The following VPS13A variants were observed in gnomAD, a reference collection of about 807,000 sequenced individuals.
VPS13A encodes the protein vacuolar protein sorting 13 homolog A.
A neutral mutation model predicts 390.9 loss-of-function variants in VPS13A; 264 were observed. The ratio of observed to expected loss-of-function variants is 0.68; its 90% confidence interval spans 0.61 to 0.75. The LOEUF is 0.75. Ranked by LOEUF, VPS13A falls within the 30% of genes least tolerant of loss-of-function variation. VPS13A has a pLI of 0.00. For missense variants in VPS13A, 3,409 were observed against 3,733.9 expected, an observed-to-expected ratio of 0.91 and a Z score of 2.27; for synonymous variants, 1,231 against 1,227.1, an observed-to-expected ratio of 1.00 and a Z score of -0.07.
At chr9:77,239,473 AT>A (rs1228255769) in intron 19 of VPS13A, among the ~76,000 whole-genome samples, 1 of 151,898 alleles carries the variant, frequency 6.6e-6, no homozygotes, top group African/African-American at 2.4e-5. Flanking sequence ...TATAAACCAC[AT>A]CTTTAATGCT....
chr9:77,356,835 G>A lies in VPS13A; in HGVS notation c.7774G>A (p.Asp2592Asn), dbSNP rs1831811829. 7 of 1,613,776 alleles carry A rather than the reference G, an allele frequency of 4.3e-6. No individual in the cohort carries two copies. The highest frequency in any genetic ancestry group is 5.9e-6 in the Non-Finnish European group (7 of 1,179,948). ...ATATACTGAATCTTCTCCTTCAGAAGATAAGGTTATTCAGTTGGACACTAA... is the reference window on the plus strand; with the variant it reads ...ATATACTGAATCTTCTCCTTCAGAAAATAAGGTTATTCAGTTGGACACTAA... ...KEYTESSPSE[D>N]KVIQLDTNVP... Residue 2592 changes from aspartate to asparagine, a missense_variant, in exon 55 of 72, where the codon GAT (aspartate) becomes AAT (asparagine). Around this residue, in one of 5 missense-constraint regions of VPS13A, gnomAD observed 221 missense variants for 300.7 expected, o/e 0.73. Coordinates refer to ENST00000360280, the MANE Select transcript of VPS13A (RefSeq NM_033305.3).
At chr9:77,400,262 A>C (rs953205003) in intron 68 of VPS13A, among the ~76,000 whole-genome samples, 1 of 87,802 alleles carries the variant, frequency 1.1e-5, no homozygotes, top group African/African-American at 4.8e-5. Flanking sequence ...CTACCTTTTC[A>C]TATTCTTCAC....
chr9:77,211,818 C>A (rs991543740), intron 7 of VPS13A, among the ~76,000 whole-genome samples: 1 of 152,176 alleles, frequency 6.6e-6, no homozygotes, highest in Non-Finnish European at 1.5e-5. Context: ...TTGCAGCAAT[C>A]TGTGTTTTAC....
chr9:77,243,043 A>G (rs1365266480), intron 19 of VPS13A, among the ~76,000 whole-genome samples: 1 of 152,100 alleles, frequency 6.6e-6, no homozygotes, highest in East Asian at 1.9e-4. Flanking sequence ...CTAGAAAGTT[A>G]AAATTTACCT....
rs1399299834 is a variant in VPS13A, at chr9:77,177,759, G to A, written c.55G>A (p.Val19Met). ...DVLNRFLGDY[V>M]VDLDTSQLSL... ...GTTGAACCGGTTCTTGGGGGACTAT[G>A]TGGTGGACTTGGACACGTCCCAGCT... is the stretch of plus-strand genomic sequence containing the variant. The change falls in exon 1 of 72, where the codon GTG becomes ATG. Residue 19 changes from valine to methionine, a missense_variant. This residue lies in a region of VPS13A where 2,717 missense variants were observed against 2,917.4 expected (regional missense o/e 0.93). Coordinates refer to ENST00000360280, the MANE Select transcript of VPS13A (RefSeq NM_033305.3). 6.2e-7 allele frequency: 1 copy of A among 1,613,712 alleles called. No individual in the cohort carries two copies. The highest frequency in any genetic ancestry group is 1.1e-5 in the South Asian group (1 of 91,086).
intron 39 of VPS13A, among the ~76,000 whole-genome samples, chr9:77,316,706 T>C (rs1323118523): frequency 6.6e-6 from 1 of 152,082 alleles, no homozygotes; most frequent in Non-Finnish European, 1.5e-5. Context: ...TCCAAATTGC[T>C]CTTTGGACTT....
intron 59 of VPS13A, among the ~76,000 whole-genome samples, chr9:77,364,547 G>A (rs954277145): frequency 6.6e-6 from 1 of 152,192 alleles, no homozygotes; most frequent in African/African-American, 2.4e-5. Flanking sequence ...CTGACGTCCT[G>A]TTCTTCCCAG....
In VPS13A at chr9:77,417,909, A is replaced by G. The variant is rs372687032; in HGVS notation, c.*1903A>G. 1 of 151,838 alleles carries G rather than the reference A, an allele frequency of 6.6e-6. No individual in the cohort carries two copies. Among genetic ancestry groups the G allele is most frequent in the East Asian group, 1.9e-4 (1 of 5,170 alleles). The allele number at this position is 151,838 out of a possible 1,614,324, so 9.4% of individuals were successfully genotyped here. On this transcript the variant is annotated 3_prime_UTR_variant, in exon 72 of 72. Transcript: ENST00000360280. ...CCGTGAAATCTCTCCTTTCCCTGCC[A>G]CTCGTTTACTCATCACCTCCTCCCA...
At position 77,402,685 on chromosome 9, in the gene VPS13A, T is replaced by A. The variant is rs75487404; in HGVS notation, c.9190-551T>A. Among the ~76,000 whole-genome samples the A allele has an allele frequency of 4.4e-3, 668 of 152,284 alleles. 3 individuals are homozygous for A. The highest frequency in any genetic ancestry group is 0.015 in the African/African-American group (631 of 41,574). ...TCATGGATAGACAGTGTTTCAACAG[T>A]CTTGAAAATAAAGATTGATTCAAAG... On this transcript the variant is annotated intron_variant, in intron 68 of 71. Coordinates refer to ENST00000360280, the MANE Select transcript of VPS13A (RefSeq NM_033305.3).
intron 24 of VPS13A, among the ~76,000 whole-genome samples, 169 bp from the exon 25 acceptor site, chr9:77,275,329 A>G (rs1402317362): frequency 6.6e-6 from 1 of 152,196 alleles, no homozygotes; most frequent in African/African-American, 2.4e-5. Context: ...ATGGACAATA[A>G]AAAAGTACAG....
At position 77,220,183 on chromosome 9, in the gene VPS13A, C is replaced by A. The variant is rs921967864; in HGVS notation, c.883-94C>A. On this transcript the variant is annotated intron_variant, in intron 11 of 71. Coordinates refer to ENST00000360280, the MANE Select transcript of VPS13A (RefSeq NM_033305.3). Reference sequence around the variant, plus strand: ...TAAAATTCATGATGTTATATGGTAGCATTTCCCTAAAAAGTCAGTAATGTA... The same window carrying A: ...TAAAATTCATGATGTTATATGGTAGAATTTCCCTAAAAAGTCAGTAATGTA... 32 of 1,508,988 alleles carry A rather than the reference C, an allele frequency of 2.1e-5. No individual in the cohort carries two copies. The Admixed American group carries it at 5.9e-4, about 28-fold the overall frequency. The allele number at this position is 1,508,988 out of a possible 1,614,324, so 93.5% of individuals were successfully genotyped here.
chr9:77,326,467 T>G (rs1231732056), intron 45 of VPS13A, among the ~76,000 whole-genome samples: 1 of 152,082 alleles, frequency 6.6e-6, no homozygotes, highest in Non-Finnish European at 1.5e-5. Context: ...CGTTTCTTTT[T>G]TCATAGTTTC....
intron 1 of VPS13A, among the ~76,000 whole-genome samples, chr9:77,198,810 T>G (rs1337230607): frequency 6.6e-6 from 1 of 152,054 alleles, no homozygotes; most frequent in Non-Finnish European, 1.5e-5. Flanking sequence ...ATTACAGGCA[T>G]GCACCATCAC....
chr9:77,373,750 T>C (rs1234566936), intron 67 of VPS13A, among the ~76,000 whole-genome samples: 1 of 151,374 alleles, frequency 6.6e-6, no homozygotes, highest in African/African-American at 2.4e-5. Context: ...GACAAAGGGC[T>C]AATATCCAGA....
Position 77,260,206 on chromosome 9 carries a change from C to G in VPS13A, c.2409C>G (p.Ala803=). The G allele has an allele frequency of 6.2e-7, 1 of 1,613,224 alleles. No homozygotes were observed. Residue 803 remains alanine (A), a synonymous_variant, in exon 23 of 72, where the codon GCC becomes GCG. Transcript: ENST00000360280. The part of the protein sequence containing the change: ...PKPEPVTEVS[A]PVKSFQIQTS... ...CTGAACCAGTAACTGAAGTATCTGCCCCTGTCAAATCATTCCAGGTAATGT... is the reference window on the plus strand; with the variant it reads ...CTGAACCAGTAACTGAAGTATCTGCGCCTGTCAAATCATTCCAGGTAATGT...
intron 50 of VPS13A, among the ~76,000 whole-genome samples, chr9:77,342,522 A>ATGGG (rs1830891193): frequency 6.6e-6 from 1 of 152,120 alleles, no homozygotes. Context: ...GATTGTCAAC[A>ATGGG]TGGGTGGTTG....
In VPS13A at chr9:77,340,259, A is replaced by G; in HGVS notation, c.6856A>G (p.Lys2286Glu). ...TGGTAGTCATGGAGCTGTTAAATGTAAAGGCCTGAAAATGGACTATCAAGT... is the reference window on the plus strand; with the variant it reads ...TGGTAGTCATGGAGCTGTTAAATGTGAAGGCCTGAAAATGGACTATCAAGT... ...TVGSHGAVKCKGLKMDYQVGV... is the reference protein window; with the variant it reads ...TVGSHGAVKCEGLKMDYQVGV... The change falls in exon 49 of 72, where the codon AAA becomes GAA. Residue 2286 changes from lysine (K) to glutamate (E), a missense_variant. Lys to Glu is a moderately conservative substitution (Grantham distance 56). This residue lies in a region of VPS13A where 2,717 missense variants were observed against 2,917.4 expected (regional missense o/e 0.93). Coordinates refer to ENST00000360280, the MANE Select transcript of VPS13A (RefSeq NM_033305.3). 2 of 1,613,264 alleles carry G rather than the reference A, an allele frequency of 1.2e-6. No individual in the cohort carries two copies. The highest frequency in any genetic ancestry group is 1.7e-6 in the Non-Finnish European group (2 of 1,179,578).
intron 35 of VPS13A, among the ~76,000 whole-genome samples, chr9:77,310,184 G>A (rs1412907086): frequency 6.6e-6 from 1 of 152,058 alleles, no homozygotes; most frequent in African/African-American, 2.4e-5. Flanking sequence ...CAGAAAGTCA[G>A]GAAATCTAGG....
At chr9:77,407,773 C>G in intron 71 of VPS13A, 166 bp downstream of exon 71, 1 of 577,480 alleles carries the variant, frequency 1.7e-6, no homozygotes, top group South Asian at 2.3e-5. Flanking sequence ...TAATATTTAC[C>G]CCAGACTTTT....
Sources: gnomAD v4.1 joint callset for allele counts (sites outside exome capture counted in the v4.1 genomes callset) on GRCh38, gnomAD v4.1.1 for gene constraint, gnomAD v4.1.1 regional missense constraint, MANE v1.5 for transcripts, NCBI Gene and HGNC (gene_info 2026-07-23, HGNC 2026-07-21) for gene names.